ARMC3: variants seen among roughly 807,000 people sequenced by gnomAD.
The protein encoded by ARMC3 is armadillo repeat-containing protein 3.
ARMC3 carries 74 observed loss-of-function variants against 90.3 expected under a neutral mutation model. That is an observed-to-expected ratio of 0.82 (90% CI 0.68 to 0.99). The LOEUF (loss-of-function observed/expected upper bound fraction) is 0.99. Among genes scored for constraint, ARMC3 ranks in the 50% least tolerant of loss-of-function variants. ARMC3 has a pLI of 0.00. For synonymous variants in ARMC3, 334 were observed against 361.8 expected (o/e 0.92, Z 0.87); for missense variants, 958 against 1,042.8 (o/e 0.92, Z 1.12).
chr10:23,028,979 G>A (rs757718341), intron 16 of ARMC3, among the ~76,000 whole-genome samples: 6 of 152,094 alleles, frequency 3.9e-5, no homozygotes, highest in Non-Finnish European at 7.4e-5. Flanking sequence ...TTGATCTACT[G>A]CACTCTTGAC....
chr10:23,012,445 C>CT (rs1838060731), intron 16 of ARMC3, among the ~76,000 whole-genome samples: 1 of 152,154 alleles, frequency 6.6e-6, no homozygotes. Context: ...CACTCCAAAG[C>CT]TGAGACCCTT....
In ARMC3 at chr10:22,981,484, A is replaced by G. The variant is rs772249203; in HGVS notation, c.1061A>G (p.Asn354Ser). ...CENSGSKDFF[N>S]NQGIPQLIQL... Reference sequence around the variant, plus strand: ...AATTCAGGCAGCAAAGATTTTTTCAATAATCAGGGTAAGTCAACTGGAAAC... The same window carrying G: ...AATTCAGGCAGCAAAGATTTTTTCAGTAATCAGGGTAAGTCAACTGGAAAC... The change falls in exon 9 of 19, where the codon AAT becomes AGT. Residue 354 changes from asparagine (N) to serine (S), a missense_variant. Physicochemically the swap from Asn to Ser is conservative, Grantham distance 46. Transcript: ENST00000298032. The G allele has an allele frequency of 1.9e-6, 3 of 1,613,776 alleles. No individual in the cohort carries two copies. The highest frequency in any genetic ancestry group is 1.7e-6 in the Non-Finnish European group (2 of 1,179,922).
rs191382321 is a variant in ARMC3 at position 22,958,459 on chromosome 10, C to T, written c.293-611C>T. On this transcript the variant is annotated intron_variant, in intron 4 of 18. Transcript: ENST00000298032. The stretch of plus-strand genomic sequence containing the variant: ...AGATTACTATTACACAATAAATAAA[C>T]GTAGGGCACAGTGACTCAACTCTTC... Among the ~76,000 whole-genome samples, 28 of 152,200 alleles carry T rather than the reference C, an allele frequency of 1.8e-4. No homozygotes were observed. The East Asian group carries it at 5.0e-3, about 27-fold the overall frequency.
chr10:23,038,038 T>C lies in ARMC3; in HGVS notation c.*559T>C, dbSNP rs1839187223. The stretch of plus-strand genomic sequence containing the variant: ...ATTCATCATTAAAAACACTTTAATA[T>C]AGTGAATTAAAAATATTTCTAAAGT... On this transcript the variant is annotated 3_prime_UTR_variant, in exon 19 of 19. Transcript: ENST00000298032. The C allele has an allele frequency of 6.6e-6, 1 of 152,194 alleles. No homozygotes were observed. The highest frequency in any genetic ancestry group is 6.5e-5 in the Admixed American group (1 of 15,274). 9.4% of individuals were successfully genotyped at this position (152,194 alleles called of 1,614,324 possible).
intron 2 of ARMC3, among the ~76,000 whole-genome samples, chr10:22,942,449 C>T (rs1834358475): frequency 6.6e-6 from 1 of 152,186 alleles, no homozygotes; most frequent in Admixed American, 6.5e-5. Context: ...GTAATGAGAA[C>T]ACTTCTCTTC....
At chr10:22,957,731 A>G (rs2131242813) in intron 4 of ARMC3, among the ~76,000 whole-genome samples, 1 of 152,320 alleles carries the variant, frequency 6.6e-6, no homozygotes, top group East Asian at 1.9e-4. Context: ...ACTCAATTGA[A>G]TTATGGGCCT....
In ARMC3 at chr10:23,037,420, C is replaced by T. The variant is rs1023979079; in HGVS notation, c.2560C>T (p.His854Tyr). ...GATGTACGTGATTGACCTCATGTTC[C>T]ATCCAGGTGGACTGATGAAGTTGAG... ...PEMYVIDLMF[H>Y]PGGLMKLRSR... Residue 854 changes from histidine to tyrosine, a missense_variant, in exon 19 of 19, where the codon CAT becomes TAT. Transcript: ENST00000298032. 7.4e-6 allele frequency: 12 copies of T among 1,614,084 alleles called. No homozygotes were observed. The highest frequency in any genetic ancestry group is 9.3e-6 in the Non-Finnish European group (11 of 1,179,944).
chr10:22,997,250 C>G (rs1207062433), intron 10 of ARMC3: 1 of 152,150 alleles, frequency 6.6e-6, no homozygotes, highest in Non-Finnish European at 1.5e-5. Context: ...ATAAGGACAG[C>G]TGGTGTCTGG....
At chr10:23,030,312 A>T (rs2131563658) in intron 16 of ARMC3, among the ~76,000 whole-genome samples, 1 of 152,268 alleles carries the variant, frequency 6.6e-6, no homozygotes, top group Non-Finnish European at 1.5e-5. Context: ...TGTGGAACCC[A>T]CATATATGAA....
At chr10:22,967,362 A>T (rs77283003) in intron 7 of ARMC3, among the ~76,000 whole-genome samples, 5 of 152,116 alleles carry the variant, frequency 3.3e-5, no homozygotes, top group Non-Finnish European at 5.9e-5. Flanking sequence ...CTCCTTGTCA[A>T]TTTGGTACCC....
chr10:22,968,559 G>T, intron 8 of ARMC3, 70 bp downstream of exon 8: 1 of 1,365,924 alleles, frequency 7.3e-7, no homozygotes, highest in Non-Finnish European at 9.8e-7. Context: ...GAGTGCTGTG[G>T]CGTGATCACA....
Position 23,024,942 on chromosome 10 carries a change from TG to T in ARMC3, c.2046-5651del, listed in dbSNP as rs1357336560. Among the ~76,000 whole-genome samples the T allele has an allele frequency of 6.6e-5, 10 of 151,824 alleles. No individual in the cohort carries two copies. In the South Asian group the frequency reaches 1.5e-3, roughly 22 times the overall value. On this transcript the variant is annotated intron_variant, in intron 16 of 18. Transcript: ENST00000298032. ...ACATTAACTTTTTATGGAGCAGGAGTGGGTTTTAAAATATCTTATAAATTAG... is the reference window on the plus strand; with the variant it reads ...ACATTAACTTTTTATGGAGCAGGAGTGGTTTTAAAATATCTTATAAATTAG...
intron 10 of ARMC3, among the ~76,000 whole-genome samples, chr10:22,991,311 CT>C (rs1288108432): frequency 6.6e-6 from 1 of 152,128 alleles, no homozygotes; most frequent in Non-Finnish European, 1.5e-5. Flanking sequence ...AGATTACCCC[CT>C]AGCCAGTATC....
chr10:22,929,252 AAGAGAGAGAGAGAGGG>A (rs1564331994), intron 1 of ARMC3, among the ~76,000 whole-genome samples: 1 of 149,736 alleles, frequency 6.7e-6, no homozygotes, highest in African/African-American at 2.5e-5. Context: ...AAAAAAAGAG[AAGAGAGAGAGAGAGGG>A]AGAGAGAGAG....
At chr10:23,014,357 A>G (rs912328847) in intron 16 of ARMC3, 8 of 1,320,960 alleles carry the variant, frequency 6.1e-6, no homozygotes, top group Non-Finnish European at 6.8e-6. Context: ...CCTTTGGTCC[A>G]TTGAGGGGTA....
chr10:23,036,919 C>A (rs1033913010), intron 18 of ARMC3, among the ~76,000 whole-genome samples: 1 of 152,202 alleles, frequency 6.6e-6, no homozygotes, highest in Non-Finnish European at 1.5e-5. Context: ...CATTTCACAG[C>A]CAGGGAGAGC....
rs755739855 is a variant in ARMC3, at chr10:23,001,998, G to T, written c.1505G>T (p.Trp502Leu). 1 of 1,613,920 alleles carries T rather than the reference G, an allele frequency of 6.2e-7. No homozygotes were observed. Among genetic ancestry groups the T allele is most frequent in the Non-Finnish European group, 8.5e-7 (1 of 1,179,828 alleles). Residue 502 changes from tryptophan (W) to leucine (L), a missense_variant, in exon 12 of 19, where the codon TGG (tryptophan) becomes TTG (leucine). Transcript: ENST00000298032. ...KNDEVRKHAS[W>L]AVMVCAGDEL... ...GATGAAGTGAGGAAGCACGCCAGTT[G>T]GGCAGTGATGGTCTGTGCTGGTGAC...
intron 8 of ARMC3, among the ~76,000 whole-genome samples, chr10:22,970,875 T>A (rs1040433681): frequency 6.6e-6 from 1 of 152,216 alleles, no homozygotes; most frequent in African/African-American, 2.4e-5. Flanking sequence ...AATCCTATTC[T>A]TGCTTTTTAA....
Position 23,006,931 on chromosome 10 carries a change from A to G in ARMC3, c.1779A>G (p.Gln593=), listed in dbSNP as rs762491890. The change falls in exon 14 of 19, where the codon CAA becomes CAG. Residue 593 remains glutamine, a synonymous_variant. Coordinates refer to ENST00000298032, the MANE Select transcript of ARMC3 (RefSeq NM_173081.5). ...TGCCTTTGAAGGAGCTCTGCTTACAAGAACCAAGTGACCTACGGGCTGTAC... is the reference window on the plus strand; with the variant it reads ...TGCCTTTGAAGGAGCTCTGCTTACAGGAACCAAGTGACCTACGGGCTGTAC... The part of the protein sequence containing the change: ...KLLPLKELCL[Q]EPSDLRAVLL... 1.2e-6 allele frequency: 2 copies of G among 1,614,020 alleles called. No homozygotes were observed. The highest frequency in any genetic ancestry group is 1.7e-6 in the Non-Finnish European group (2 of 1,179,956).
Sources: gnomAD v4.1 joint callset for allele counts (sites outside exome capture counted in the v4.1 genomes callset) on GRCh38, gnomAD v4.1.1 for gene constraint, MANE v1.5 for transcripts, NCBI Gene and HGNC (gene_info 2026-07-23, HGNC 2026-07-21) for gene names.